CADPS2: variants seen among roughly 807,000 people sequenced by gnomAD.
The protein encoded by CADPS2 is calcium dependent secretion activator 2.
CADPS2 carries 93 observed loss-of-function variants against 172.5 expected under a neutral mutation model. The ratio of observed to expected loss-of-function variants is 0.54; its 90% CI spans 0.46 to 0.64. The LOEUF is 0.64. Ranked by LOEUF, CADPS2 falls within the 30% of genes least tolerant of loss-of-function variation. The probability of loss-of-function intolerance (pLI) is 0.00; values close to 1 mark genes in which losing one functional copy is unlikely to be tolerated. For missense variants in CADPS2, 1,420 were observed against 1,565.9 expected (o/e 0.91, Z 1.57); for synonymous variants, 546 against 555.2 (o/e 0.98, Z 0.23).
At chr7:122,399,920 C>T (rs1454946931) in intron 20 of CADPS2, among the ~76,000 whole-genome samples, 4 of 147,820 alleles carry the variant, frequency 2.7e-5, no homozygotes, top group South Asian at 2.2e-4. Context: ...GTGATCCGTC[C>T]GCCTCCGCCT....
intron 28 of CADPS2, among the ~76,000 whole-genome samples, chr7:122,332,358 A>G (rs1154945): frequency 0.21 from 31,820 of 151,314 alleles, 3,846 homozygotes; most frequent in East Asian, 0.45. Flanking sequence ...TGGTTCTTCC[A>G]TAGTAGAACT....
At position 122,369,373 on chromosome 7, in the gene CADPS2, C is replaced by T. The variant is rs553261949; in HGVS notation, c.3388-8360G>A. On this transcript the variant is annotated intron_variant, in intron 25 of 29. Transcript: ENST00000449022. ...GTCTCGATCTCCTGACCTCGTGATC[C>T]GCCTGCCTCAGCCTCCCAAAGTGCT... 5.3e-5 allele frequency among the ~76,000 whole-genome samples: 8 copies of T among 152,140 alleles called. No individual in the cohort carries two copies. In the South Asian group the frequency reaches 8.3e-4, roughly 16 times the overall value.
At chr7:122,405,557 G>A (rs1157522198) in intron 20 of CADPS2, among the ~76,000 whole-genome samples, 1 of 152,086 alleles carries the variant, frequency 6.6e-6, no homozygotes, top group Non-Finnish European at 1.5e-5. Context: ...CAGCTACTTG[G>A]GAGGCTGAGG....
At chr7:122,718,111 A>G (rs1366523770) in intron 2 of CADPS2, among the ~76,000 whole-genome samples, 1 of 149,598 alleles carries the variant, frequency 6.7e-6, no homozygotes, top group African/African-American at 2.5e-5. Flanking sequence ...GATTACAGGC[A>G]TGAGCCACCA....
At chr7:122,703,108 A>C (rs139751883) in intron 2 of CADPS2, 1 of 197,006 alleles carries the variant, frequency 5.1e-6, no homozygotes, top group African/African-American at 2.3e-5. Context: ...GTCAAGATAC[A>C]TAACAATTTG....
chr7:122,509,761 T>C (rs888753492), intron 9 of CADPS2, among the ~76,000 whole-genome samples: 4 of 152,180 alleles, frequency 2.6e-5, no homozygotes, highest in Non-Finnish European at 5.9e-5. Context: ...CCATAACCCC[T>C]CTGTATTATT....
At chr7:122,414,357 T>C (rs959120368) in intron 18 of CADPS2, among the ~76,000 whole-genome samples, 4 of 152,292 alleles carry the variant, frequency 2.6e-5, no homozygotes, top group Middle Eastern at 3.4e-3. Flanking sequence ...TTTTGTAAAA[T>C]GTTTGAGAAT....
chr7:122,760,816 G>GGA (rs2093353618), intron 1 of CADPS2, among the ~76,000 whole-genome samples: 1 of 125,896 alleles, frequency 7.9e-6, no homozygotes. Flanking sequence ...CTGTTGTGGG[G>GGA]TGGGGGGAGG....
chr7:122,718,287 A>G (rs574801667), intron 2 of CADPS2, among the ~76,000 whole-genome samples: 2 of 152,152 alleles, frequency 1.3e-5, no homozygotes, highest in African/African-American at 4.8e-5. Flanking sequence ...ATATTCCTAT[A>G]TATCTGGAAA....
intron 27 of CADPS2, among the ~76,000 whole-genome samples, chr7:122,356,004 T>A (rs1415928153): frequency 1.3e-5 from 2 of 152,188 alleles, no homozygotes; most frequent in Non-Finnish European, 2.9e-5. Context: ...CCACACCCAA[T>A]TTCCCCTATT....
At chr7:122,510,237 A>G (rs2059915336) in intron 9 of CADPS2, among the ~76,000 whole-genome samples, 1 of 152,104 alleles carries the variant, frequency 6.6e-6, no homozygotes, top group Non-Finnish European at 1.5e-5. Flanking sequence ...CTGTTCTTTC[A>G]ATTTGGCTTG....
At chr7:122,653,997 T>C (rs1160989553) in intron 3 of CADPS2, among the ~76,000 whole-genome samples, 3 of 152,208 alleles carry the variant, frequency 2.0e-5, no homozygotes, top group Non-Finnish European at 4.4e-5. Context: ...AAGAGTCGCA[T>C]ATCTCTCATT....
At position 122,576,773 on chromosome 7, in the gene CADPS2, AT is replaced by A. The variant is rs1257767347; in HGVS notation, c.1335+4405del. ...TAGTCAGTGGGTCTCAGGAGATCTG[AT>A]TTTTTTTTTTTTTTTTGAGATGGAG... On this transcript the variant is annotated intron_variant, in intron 7 of 29. Coordinates refer to ENST00000449022, the MANE Select transcript of CADPS2 (RefSeq NM_017954.11). Among the ~76,000 whole-genome samples, 706 of 135,814 alleles carry A rather than the reference AT, an allele frequency of 5.2e-3. 3 individuals are homozygous for A. Among genetic ancestry groups the A allele is most frequent in the African/African-American group, 6.0e-3 (221 of 36,852 alleles). The allele number at this position is 135,814 out of a possible 152,430, so 89.1% of individuals were successfully genotyped here. A position where few individuals can be genotyped will look rare whatever the true frequency, so the allele number is the denominator to read the frequency against.
chr7:122,811,778 A>G (rs1800077539), intron 1 of CADPS2, among the ~76,000 whole-genome samples: 2 of 152,174 alleles, frequency 1.3e-5, no homozygotes, highest in Admixed American at 1.3e-4. Context: ...GTACGTCAAC[A>G]TATTTCTTTG....
At chr7:122,378,520 A>G (rs2042614884) in intron 25 of CADPS2, among the ~76,000 whole-genome samples, 1 of 152,008 alleles carries the variant, frequency 6.6e-6, no homozygotes, top group South Asian at 2.1e-4. Flanking sequence ...GGGCAGCTCT[A>G]TTTTTTCTTT....
At chr7:122,722,313 C>T (rs528534276) in intron 2 of CADPS2, among the ~76,000 whole-genome samples, 267 of 152,132 alleles carry the variant, frequency 1.8e-3, no homozygotes, top group Non-Finnish European at 2.2e-3. Context: ...AGCCCAAAAT[C>T]TCCTTAAGCT....
At chr7:122,648,892 C>T (rs558530658) in intron 3 of CADPS2, among the ~76,000 whole-genome samples, 51 of 152,182 alleles carry the variant, frequency 3.4e-4, no homozygotes, top group Middle Eastern at 3.4e-3. Flanking sequence ...CAGAACAATG[C>T]GTAGTGCTTG....
At chr7:122,519,298 G>T (rs893353211) in intron 8 of CADPS2, among the ~76,000 whole-genome samples, 2 of 151,902 alleles carry the variant, frequency 1.3e-5, no homozygotes, top group Non-Finnish European at 2.9e-5. Context: ...TAAAATAACT[G>T]CCCAGATACT....
At chr7:122,863,947 T>A (rs1817628003) in intron 1 of CADPS2, among the ~76,000 whole-genome samples, 1 of 151,976 alleles carries the variant, frequency 6.6e-6, no homozygotes, top group South Asian at 2.1e-4. Flanking sequence ...GGAGAACTGC[T>A]TGAACCCAGA....
Sources: allele counts gnomAD v4.1 joint callset (sites outside exome capture counted in the v4.1 genomes callset), GRCh38; gene constraint gnomAD v4.1.1; transcripts MANE v1.5; gene names NCBI Gene and HGNC (gene_info 2026-07-23, HGNC 2026-07-21).